AFF2: variants seen among roughly 807,000 people sequenced by gnomAD.
AFF2 encodes the protein ALF transcription elongation factor 2.
In AFF2, 14 loss-of-function variants were observed where a neutral mutation model predicts 76.9. That is an observed-to-expected ratio of 0.18 (90% CI 0.12 to 0.28). The LOEUF (loss-of-function observed/expected upper bound fraction) is 0.28. Ranked by LOEUF, AFF2 falls within the 10% of genes least tolerant of loss-of-function variation. AFF2 has a pLI of 1.00. For missense variants in AFF2, 868 were observed against 1,001.1 expected, an observed-to-expected ratio of 0.87 and a Z score of 1.79; for synonymous variants, 398 against 366.7, an observed-to-expected ratio of 1.09 and a Z score of -0.98.
chrX:148,502,271 A>G (rs1235536023), intron 1 of AFF2, among the ~76,000 whole-genome samples: 3 of 112,064 alleles, frequency 2.7e-5, no homozygotes, highest in Non-Finnish European at 5.6e-5. Context: ...ATCTTTTGCA[A>G]TGTTAAACTA....
intron 7 of AFF2, among the ~76,000 whole-genome samples, chrX:148,845,257 C>T (rs1293129066): frequency 9.0e-6 from 1 of 111,705 alleles, no homozygotes; most frequent in Non-Finnish European, 1.9e-5. Context: ...GTATTAGGCT[C>T]CCACTGTGAA....
intron 3 of AFF2, among the ~76,000 whole-genome samples, chrX:148,682,441 C>T (rs1000236901): frequency 8.9e-6 from 1 of 111,785 alleles, no homozygotes; most frequent in Non-Finnish European, 1.9e-5. Flanking sequence ...TCACAGGTTA[C>T]ATGGGAAATA....
intron 9 of AFF2, among the ~76,000 whole-genome samples, chrX:148,935,418 C>CACAA (rs1204207253): frequency 9.1e-6 from 1 of 109,602 alleles, no homozygotes; most frequent in East Asian, 2.8e-4. Flanking sequence ...CACACACACA[C>CACAA]ATATATATGA....
rs1421040593 is a variant in AFF2, at chrX:148,939,127, G to A, written c.1398-14453G>A. The stretch of plus-strand genomic sequence containing the variant: ...GAGGAGGAAGACAAGAAAGAGGAAG[G>A]AGGAAAGAAAAATAATTCTGTGCTT... On this transcript the variant is annotated intron_variant, in intron 9 of 20. Transcript: ENST00000370460. 5.4e-5 allele frequency among the ~76,000 whole-genome samples: 6 copies of A among 111,716 alleles called. No homozygotes were observed. The East Asian group carries it at 1.7e-3, about 31-fold the overall frequency.
In AFF2 at chrX:148,962,909, G is replaced by T. The variant is rs1212059076; in HGVS notation, c.2885G>T (p.Cys962Phe). 2 of 1,197,258 alleles carry T rather than the reference G, an allele frequency of 1.7e-6. No homozygotes were observed. The highest frequency in any genetic ancestry group is 1.1e-6 in the Non-Finnish European group (1 of 882,522). ...CCTAAGAGAACTGAAGGCAAATTCT[G>T]TGCTACTTTCAAAGGGATATCGGTA... ...TKPKRTEGKF[C>F]ATFKGISVNE... is the part of the protein sequence containing the mutation. The change falls in exon 13 of 21, where the codon TGT becomes TTT. Residue 962 changes from cysteine to phenylalanine, a missense_variant. Transcript: ENST00000370460.
chrX:148,572,066 C>T (rs782074714), intron 1 of AFF2, among the ~76,000 whole-genome samples: 1 of 105,666 alleles, frequency 9.5e-6, no homozygotes, highest in African/African-American at 3.5e-5. Flanking sequence ...AAAACTGTTA[C>T]AAAATAATTC....
intron 20 of AFF2, 150 bp from the exon 21 acceptor site, chrX:148,991,061 A>G (rs975809394): frequency 2.1e-5 from 13 of 626,957 alleles, no homozygotes; most frequent in African/African-American, 1.8e-4. Flanking sequence ...TAGGCACTCT[A>G]TAAATGTTTG....
In AFF2 at chrX:148,500,939, C is replaced by T; in HGVS notation, c.-159C>T. The T allele has an allele frequency of 1.6e-6, 1 of 634,636 alleles. No individual in the cohort carries two copies. The highest frequency in any genetic ancestry group is 3.1e-5 in the South Asian group (1 of 32,153). 52.3% of individuals were successfully genotyped at this position (634,636 alleles called of 1,213,427 possible). On this transcript the variant is annotated 5_prime_UTR_variant, in exon 1 of 21. Coordinates refer to ENST00000370460, the MANE Select transcript of AFF2 (RefSeq NM_002025.4). ...GGAGCACAGGACCAGACACCTCCAG[C>T]GCCCGCTGCTGCTGCCGATGCGGCC... is the stretch of plus-strand genomic sequence containing the variant.
intron 11 of AFF2, among the ~76,000 whole-genome samples, chrX:148,957,138 G>A (rs1275778820): frequency 4.5e-5 from 5 of 111,775 alleles, no homozygotes; most frequent in Non-Finnish European, 9.4e-5. Flanking sequence ...ATCCAGAGTG[G>A]CCCTTTTCAT....
At chrX:148,860,208 G>A (rs1338780316) in intron 7 of AFF2, among the ~76,000 whole-genome samples, 1 of 111,674 alleles carries the variant, frequency 9.0e-6, no homozygotes, top group African/African-American at 3.3e-5. Flanking sequence ...AGCAGCAGCC[G>A]ATCAAATACG....
intron 20 of AFF2, among the ~76,000 whole-genome samples, chrX:148,987,874 T>G (rs940247774): frequency 8.0e-5 from 9 of 112,233 alleles, no homozygotes; most frequent in African/African-American, 2.9e-4. Context: ...TACAATTAAT[T>G]ATGACCCTGT....
intron 4 of AFF2, among the ~76,000 whole-genome samples, chrX:148,811,243 C>T (rs1469938793): frequency 9.0e-6 from 1 of 111,069 alleles, no homozygotes; most frequent in Non-Finnish European, 1.9e-5. Flanking sequence ...CTCCCCACCC[C>T]TACTCCCACT....
intron 4 of AFF2, among the ~76,000 whole-genome samples, chrX:148,829,663 G>A (rs1557273177): frequency 8.9e-6 from 1 of 112,167 alleles, no homozygotes; most frequent in African/African-American, 3.2e-5. Flanking sequence ...CAGAAGTAAA[G>A]TGTATGATTA....
intron 4 of AFF2, among the ~76,000 whole-genome samples, chrX:148,820,904 A>G (rs1248506518): frequency 1.8e-5 from 2 of 111,714 alleles, no homozygotes; most frequent in Non-Finnish European, 3.8e-5. Flanking sequence ...ACGTCTAAAG[A>G]GATAGACTAG....
chrX:148,646,369 G>C (rs1047214607), intron 1 of AFF2, among the ~76,000 whole-genome samples: 2 of 111,711 alleles, frequency 1.8e-5, no homozygotes, highest in African/African-American at 6.5e-5. Context: ...AGGGGATACA[G>C]AAACAAGTTA....
chrX:148,753,323 C>T (rs1663702523), intron 3 of AFF2, among the ~76,000 whole-genome samples: 1 of 111,905 alleles, frequency 8.9e-6, no homozygotes, highest in South Asian at 3.7e-4. Context: ...TGTAACTGCT[C>T]TGATAGTTCT....
chrX:148,882,311 T>C (rs2071106527), intron 7 of AFF2, among the ~76,000 whole-genome samples: 1 of 111,983 alleles, frequency 8.9e-6, no homozygotes, highest in Non-Finnish European at 1.9e-5. Flanking sequence ...TTTCACTATC[T>C]GAGCTTTTAT....
At chrX:148,845,147 ACACTCACATG>A (rs2070651243) in intron 7 of AFF2, among the ~76,000 whole-genome samples, 4 of 108,564 alleles carry the variant, frequency 3.7e-5, no homozygotes. Context: ...ACACACACGC[ACACTCACATG>A]CATTTAGGAA....
chrX:148,916,656 A>G (rs180941605), intron 9 of AFF2, among the ~76,000 whole-genome samples: 1 of 112,281 alleles, frequency 8.9e-6, no homozygotes, highest in African/African-American at 3.2e-5. Context: ...GAATTTTACA[A>G]GGCTTTGAGC....
Sources: gnomAD v4.1 joint callset for allele counts (sites outside exome capture counted in the v4.1 genomes callset) on GRCh38, gnomAD v4.1.1 for gene constraint, MANE v1.5 for transcripts, NCBI Gene and HGNC (gene_info 2026-07-23, HGNC 2026-07-21) for gene names.